Variants in GAB1 observed in about 807,000 individuals in gnomAD.
The protein encoded by GAB1 is GRB2 associated binding protein 1, also known as GRB2-associated-binding protein 1.
In GAB1, 19 loss-of-function variants were observed where a neutral mutation model predicts 66.5. The observed-to-expected ratio is 0.29, with a 90% confidence interval of 0.20 to 0.42. The LOEUF is 0.42. GAB1 is among the 10% of genes least tolerant of loss of function. GAB1 has a pLI of 1.00. For synonymous variants in GAB1, 294 were observed against 301.4 expected, an observed-to-expected ratio of 0.98 and a Z score of 0.25; for missense variants, 732 against 858.5, an observed-to-expected ratio of 0.85 and a Z score of 1.84.
chr4:143,439,492 G>A (rs1462981133), intron 4 of GAB1, among the ~76,000 whole-genome samples: 13 of 152,218 alleles, frequency 8.5e-5, no homozygotes, highest in Admixed American at 8.5e-4. Context: ...TGCCCAAGGT[G>A]GTGCAAACGA....
At chr4:143,424,887 GGAGGTTGCAGT>G in intron 2 of GAB1, 1 of 486,218 alleles carries the variant, frequency 2.1e-6, no homozygotes, top group Non-Finnish European at 3.7e-6. Context: ...CCAGGGAGTT[GGAGGTTGCAGT>G]GAGCCAAGAT....
chr4:143,408,277 A>G (rs1732171543), intron 1 of GAB1, among the ~76,000 whole-genome samples: 1 of 152,224 alleles, frequency 6.6e-6, no homozygotes, highest in Admixed American at 6.5e-5. Flanking sequence ...TATTTTAAAC[A>G]TACAATTTTT....
At chr4:143,372,747 G>A (rs6828635) in intron 1 of GAB1, among the ~76,000 whole-genome samples, 1 of 152,074 alleles carries the variant, frequency 6.6e-6, no homozygotes, top group Non-Finnish European at 1.5e-5. Context: ...TTGTTCAGGG[G>A]TATCCCCATG....
chr4:143,454,098 T>C (rs1413367373), intron 6 of GAB1, among the ~76,000 whole-genome samples: 1 of 152,208 alleles, frequency 6.6e-6, no homozygotes, highest in Non-Finnish European at 1.5e-5. Context: ...ATTTTAAAGA[T>C]GTACATGAGA....
At chr4:143,344,908 G>A (rs1429528847) in intron 1 of GAB1, among the ~76,000 whole-genome samples, 2 of 152,092 alleles carry the variant, frequency 1.3e-5, no homozygotes, top group Non-Finnish European at 2.9e-5. Context: ...CTCCCAGCCC[G>A]TTTTTAAAAA....
chr4:143,343,161 A>G (rs534232042), intron 1 of GAB1, among the ~76,000 whole-genome samples: 28 of 152,070 alleles, frequency 1.8e-4, no homozygotes, highest in Admixed American at 7.2e-4. Flanking sequence ...TGGGGGAGGG[A>G]GGAGCTGTAG....
At chr4:143,408,152 G>A (rs1279233240) in intron 1 of GAB1, among the ~76,000 whole-genome samples, 5 of 151,876 alleles carry the variant, frequency 3.3e-5, no homozygotes, top group African/African-American at 7.3e-5. Flanking sequence ...CATGTATCCC[G>A]GAATTCTATA....
chr4:143,385,957 T>C (rs1730880224), intron 1 of GAB1, among the ~76,000 whole-genome samples: 1 of 152,058 alleles, frequency 6.6e-6, no homozygotes. Flanking sequence ...CGGAGCAACA[T>C]GGTGAAACCC....
chr4:143,427,466 A>G (rs904674251), intron 2 of GAB1, among the ~76,000 whole-genome samples: 1 of 152,114 alleles, frequency 6.6e-6, no homozygotes, highest in Non-Finnish European at 1.5e-5. Flanking sequence ...GTTGCGGGTA[A>G]ATACAGCTAA....
At chr4:143,437,102 C>G (rs975475241) in intron 3 of GAB1, among the ~76,000 whole-genome samples, 1 of 151,990 alleles carries the variant, frequency 6.6e-6, no homozygotes, top group Admixed American at 6.6e-5. Flanking sequence ...CTTTACAGAG[C>G]GTAGTGCCAC....
chr4:143,436,337 A>G (rs536620000), intron 3 of GAB1, among the ~76,000 whole-genome samples: 39 of 152,304 alleles, frequency 2.6e-4, no homozygotes, highest in African/African-American at 8.2e-4. Flanking sequence ...AGTAACCTCA[A>G]TGTCAAGTGG....
chr4:143,461,001 A>G (rs1735465290), intron 8 of GAB1, among the ~76,000 whole-genome samples: 1 of 152,172 alleles, frequency 6.6e-6, no homozygotes, highest in South Asian at 2.1e-4. Context: ...AGGTGTAAAG[A>G]TTAAAGAAGA....
At chr4:143,359,417 G>C (rs1429619015) in intron 1 of GAB1, among the ~76,000 whole-genome samples, 1 of 152,178 alleles carries the variant, frequency 6.6e-6, no homozygotes, top group African/African-American at 2.4e-5. Context: ...TATGAAAACA[G>C]TAAAGGCTAG....
At chr4:143,418,542 T>G (rs960597145) in intron 2 of GAB1, among the ~76,000 whole-genome samples, 19 of 151,218 alleles carry the variant, frequency 1.3e-4, no homozygotes, top group Non-Finnish European at 2.7e-4. Context: ...TTTTATTATC[T>G]TCTTCTTGTT....
intron 4 of GAB1, 107 bp from the exon 5 acceptor site, chr4:143,439,695 A>C (rs1734120980): frequency 2.8e-6 from 2 of 714,844 alleles, no homozygotes; most frequent in South Asian, 1.6e-5. Context: ...GTGTGTGTGC[A>C]TGTGTGTATG....
chr4:143,337,367 G>T lies in GAB1; in HGVS notation c.72+107G>T, dbSNP rs1383954501. 3 of 927,816 alleles carry T rather than the reference G, an allele frequency of 3.2e-6. No individual in the cohort carries two copies. The African/African-American group carries it at 5.0e-5, about 15-fold the overall frequency. The allele number at this position is 927,816 out of a possible 1,614,324, so 57.5% of individuals were successfully genotyped here. On this transcript the variant is annotated intron_variant, in intron 1 of 9. Coordinates refer to ENST00000262994, the MANE Select transcript of GAB1 (RefSeq NM_002039.4). ...CCGCGCGCGGGGCTGGTTCTTAAACGAATGCCGGTCTCTTTCCCCTTGGCC... is the reference window on the plus strand; with the variant it reads ...CCGCGCGCGGGGCTGGTTCTTAAACTAATGCCGGTCTCTTTCCCCTTGGCC...
chr4:143,459,165 A>G (rs1735352983), intron 6 of GAB1, among the ~76,000 whole-genome samples: 1 of 152,142 alleles, frequency 6.6e-6, no homozygotes, highest in Non-Finnish European at 1.5e-5. Flanking sequence ...GCTTTGAGGT[A>G]ACAATCATGA....
At chr4:143,457,530 A>G (rs373231288) in intron 6 of GAB1, 7 of 496,970 alleles carry the variant, frequency 1.4e-5, no homozygotes, top group East Asian at 3.5e-5. Flanking sequence ...CAAGACTGAA[A>G]TATTCTCCAC....
intron 1 of GAB1, among the ~76,000 whole-genome samples, chr4:143,369,789 T>G (rs776288838): frequency 6.6e-6 from 1 of 152,248 alleles, no homozygotes; most frequent in Non-Finnish European, 1.5e-5. Context: ...TATGCAGTTG[T>G]GCTGAGACAT....
Sources: allele counts gnomAD v4.1 joint callset (sites outside exome capture counted in the v4.1 genomes callset), GRCh38; gene constraint gnomAD v4.1.1; transcripts MANE v1.5; gene names NCBI Gene and HGNC (gene_info 2026-07-23, HGNC 2026-07-21).